Variants in RALYL observed in about 807,000 individuals in gnomAD.
RALYL encodes RALY RNA binding protein like.
A neutral mutation model predicts 35.1 loss-of-function variants in RALYL; 29 were observed. The ratio of observed to expected loss-of-function variants is 0.83; its 90% CI spans 0.61 to 1.13. The LOEUF is 1.13. Among genes scored for constraint, RALYL ranks in the 50% most tolerant of loss-of-function variants. The probability of loss-of-function intolerance (pLI) is 0.00; values close to 1 mark genes in which losing one functional copy is unlikely to be tolerated. For missense variants in RALYL, 359 were observed against 360.4 expected (o/e 1.00, Z 0.03); for synonymous variants, 120 against 127.6 (o/e 0.94, Z 0.40).
chr8:84,589,141 G>A (rs958139805), intron 2 of RALYL, among the ~76,000 whole-genome samples: 6 of 151,956 alleles, frequency 3.9e-5, no homozygotes, highest in Admixed American at 1.3e-4. Context: ...TAGATGATCC[G>A]CCCGCCTCGG....
At chr8:84,805,268 T>C (rs550702155) in intron 4 of RALYL, among the ~76,000 whole-genome samples, 1 of 152,304 alleles carries the variant, frequency 6.6e-6, no homozygotes, top group Admixed American at 6.5e-5. Context: ...CTTTAATTTC[T>C]CCAGTTCACT....
intron 1 of RALYL, among the ~76,000 whole-genome samples, chr8:84,352,878 C>T (rs1851176804): frequency 6.7e-6 from 1 of 149,978 alleles, no homozygotes; most frequent in Non-Finnish European, 1.5e-5. Context: ...AATCTTATGT[C>T]GTTTTTTTAC....
Position 84,563,581 on chromosome 8 carries a change from A to T in RALYL, c.256+34004A>T, listed in dbSNP as rs79557440. Among the ~76,000 whole-genome samples the T allele has an allele frequency of 2.5e-3, 383 of 150,752 alleles. 5 individuals are homozygous for T. In the East Asian group the frequency reaches 0.055, roughly 22 times the overall value. On this transcript the variant is annotated intron_variant, in intron 2 of 8. Transcript: ENST00000521268. ...TAAATTGGTAAGTTTTTTTTTTTTTAAATTACCAGCGGTCGATATAGCACA... is the reference window on the plus strand; with the variant it reads ...TAAATTGGTAAGTTTTTTTTTTTTTTAATTACCAGCGGTCGATATAGCACA...
At position 84,632,914 on chromosome 8, in the gene RALYL, G is replaced by T. The variant is rs80275269; in HGVS notation, c.256+103337G>T. ...CAATATGATGCTATTTTGAGAACATGACTTTATAATGACTTCATGCTATGT... is the reference window on the plus strand; with the variant it reads ...CAATATGATGCTATTTTGAGAACATTACTTTATAATGACTTCATGCTATGT... On this transcript the variant is annotated intron_variant, in intron 2 of 8. Coordinates refer to ENST00000521268, the MANE Select transcript of RALYL (RefSeq NM_173848.7). Among the ~76,000 whole-genome samples, 550 of 151,926 alleles carry T rather than the reference G, an allele frequency of 3.6e-3. 6 individuals carry two copies. The East Asian group carries it at 0.046, about 13-fold the overall frequency.
intron 1 of RALYL, among the ~76,000 whole-genome samples, chr8:84,443,691 T>C (rs891988612): frequency 1.3e-5 from 2 of 152,150 alleles, no homozygotes; most frequent in Non-Finnish European, 2.9e-5. Context: ...CCTAATTCTA[T>C]GTAGGTTTCT....
At chr8:84,884,713 A>C (rs1291594401) in intron 7 of RALYL, among the ~76,000 whole-genome samples, 1 of 152,124 alleles carries the variant, frequency 6.6e-6, no homozygotes, top group African/African-American at 2.4e-5. Context: ...TAACAAAAAG[A>C]TAAACACAAT....
chr8:84,636,464 T>C (rs1282798393), intron 2 of RALYL, among the ~76,000 whole-genome samples: 1 of 151,764 alleles, frequency 6.6e-6, no homozygotes, highest in African/African-American at 2.4e-5. Context: ...ACAATAAAAG[T>C]ATCCAAAAGC....
intron 1 of RALYL, among the ~76,000 whole-genome samples, chr8:84,402,454 A>G (rs2043009346): frequency 6.6e-6 from 1 of 152,160 alleles, no homozygotes; most frequent in Non-Finnish European, 1.5e-5. Flanking sequence ...AAATAAAGGC[A>G]GCTTTCGGAG....
At chr8:84,727,721 T>C (rs1845265556) in intron 2 of RALYL, among the ~76,000 whole-genome samples, 3 of 149,750 alleles carry the variant, frequency 2.0e-5, no homozygotes, top group African/African-American at 4.9e-5. Context: ...GAATATGCCG[T>C]GTTTGGTTTT....
chr8:84,562,965 T>A (rs1312763820), intron 2 of RALYL, among the ~76,000 whole-genome samples: 1 of 151,868 alleles, frequency 6.6e-6, no homozygotes. Context: ...TCTGAACACC[T>A]AGACAAAGCT....
At chr8:84,425,256 G>A (rs996132084) in intron 1 of RALYL, among the ~76,000 whole-genome samples, 3 of 152,102 alleles carry the variant, frequency 2.0e-5, no homozygotes, top group African/African-American at 4.8e-5. Flanking sequence ...CTCGTGGTGC[G>A]CCGTTTTTTA....
intron 1 of RALYL, among the ~76,000 whole-genome samples, chr8:84,266,547 G>C (rs999081404): frequency 1.3e-5 from 2 of 152,148 alleles, no homozygotes; most frequent in African/African-American, 4.8e-5. Context: ...TTCACAGCTG[G>C]GTCAGACAGA....
At chr8:84,525,590 A>T (rs2058817937) in intron 1 of RALYL, among the ~76,000 whole-genome samples, 1 of 152,054 alleles carries the variant, frequency 6.6e-6, no homozygotes, top group South Asian at 2.1e-4. Flanking sequence ...AGCTCCTTGG[A>T]GACTCCAGAT....
chr8:84,335,478 G>A (rs1563751216), intron 1 of RALYL, among the ~76,000 whole-genome samples: 2 of 152,166 alleles, frequency 1.3e-5, no homozygotes, highest in Non-Finnish European at 2.9e-5. Context: ...CATTAAGGTT[G>A]TCTTAGAATC....
intron 1 of RALYL, among the ~76,000 whole-genome samples, chr8:84,515,399 C>A (rs1399345809): frequency 1.3e-5 from 2 of 152,126 alleles, no homozygotes; most frequent in Non-Finnish European, 2.9e-5. Flanking sequence ...AAATGAGATT[C>A]ATTTGAAATA....
chr8:84,720,537 C>A (rs112487176), intron 2 of RALYL, among the ~76,000 whole-genome samples: 657 of 152,068 alleles, frequency 4.3e-3, no homozygotes, highest in African/African-American at 0.014. Context: ...TATAAAAAGA[C>A]TAGAAGAAAA....
intron 2 of RALYL, among the ~76,000 whole-genome samples, chr8:84,669,862 T>C (rs2131801952): frequency 6.6e-6 from 1 of 152,296 alleles, no homozygotes; most frequent in South Asian, 2.1e-4. Context: ...CATAACTTAT[T>C]TTCTGTCAAA....
intron 2 of RALYL, among the ~76,000 whole-genome samples, chr8:84,734,592 CA>C (rs1173491503): frequency 6.6e-6 from 1 of 152,030 alleles, no homozygotes; most frequent in Non-Finnish European, 1.5e-5. Flanking sequence ...TGCTAAAATG[CA>C]TTGTACTACC....
At chr8:84,213,574 C>A (rs1383798692) in intron 1 of RALYL, among the ~76,000 whole-genome samples, 1 of 152,020 alleles carries the variant, frequency 6.6e-6, no homozygotes, top group African/African-American at 2.4e-5. Flanking sequence ...ATTAGCTTTT[C>A]TTCTCAAAAG....
Sources: allele counts gnomAD v4.1 joint callset (sites outside exome capture counted in the v4.1 genomes callset), GRCh38; gene constraint gnomAD v4.1.1; transcripts MANE v1.5; gene names NCBI Gene and HGNC (gene_info 2026-07-23, HGNC 2026-07-21).